Variants in ATP11A observed in about 807,000 individuals in gnomAD.
The protein encoded by ATP11A is phospholipid-transporting ATPase IH.
A neutral mutation model predicts 154.4 loss-of-function variants in ATP11A; 81 were observed. That is an observed-to-expected ratio of 0.52 (90% CI 0.44 to 0.63). The LOEUF is 0.63. Ranked by LOEUF, ATP11A falls within the 30% of genes least tolerant of loss-of-function variation. The pLI, the probability that ATP11A is intolerant of heterozygous loss-of-function variation, is 0.00. For synonymous variants in ATP11A, 623 were observed against 585.9 expected, an observed-to-expected ratio of 1.06 and a Z score of -0.91; for missense variants, 1,316 against 1,474.3, an observed-to-expected ratio of 0.89 and a Z score of 1.76.
intron 2 of ATP11A, among the ~76,000 whole-genome samples, chr13:112,787,265 C>T (rs1201187575): frequency 4.6e-5 from 5 of 108,754 alleles, no homozygotes; most frequent in Non-Finnish European, 5.3e-5. Flanking sequence ...TGTCCTGATG[C>T]GTAGACTCCT....
chr13:112,778,962 T>TGAG (rs1226494074), intron 1 of ATP11A, among the ~76,000 whole-genome samples: 1 of 92,624 alleles, frequency 1.1e-5, no homozygotes, highest in Admixed American at 1.2e-4. Context: ...GCCGCTGGAG[T>TGAG]GAGTAGCCGC....
At chr13:112,787,426 C>A (rs1333969164) in intron 2 of ATP11A, among the ~76,000 whole-genome samples, 12 of 128,128 alleles carry the variant, frequency 9.4e-5, no homozygotes, top group Non-Finnish European at 1.5e-4. Context: ...CCTGTGGAGA[C>A]CTACTTAATT....
At chr13:112,738,868 G>T (rs890290628) in intron 1 of ATP11A, among the ~76,000 whole-genome samples, 3 of 139,332 alleles carry the variant, frequency 2.2e-5, no homozygotes, top group Non-Finnish European at 4.5e-5. Flanking sequence ...GGCCCATGCA[G>T]TTCTGGGGCC....
chr13:112,812,908 T>G (rs924545012), intron 5 of ATP11A, among the ~76,000 whole-genome samples: 1 of 152,210 alleles, frequency 6.6e-6, no homozygotes, highest in Non-Finnish European at 1.5e-5. Flanking sequence ...CCATTTCCTT[T>G]AATGATTATA....
At chr13:112,706,175 G>A (rs1416657971) in intron 1 of ATP11A, among the ~76,000 whole-genome samples, 1 of 152,166 alleles carries the variant, frequency 6.6e-6, no homozygotes, top group African/African-American at 2.4e-5. Flanking sequence ...AGGATGGACC[G>A]AGATAGGAGG....
intron 16 of ATP11A, among the ~76,000 whole-genome samples, chr13:112,839,317 G>C (rs2079328788): frequency 6.6e-6 from 1 of 151,984 alleles, no homozygotes; most frequent in South Asian, 2.1e-4. Context: ...AAAGCAAGCA[G>C]AAAAGATGAA....
chr13:112,749,109 C>T lies in ATP11A; in HGVS notation c.40-36026C>T, dbSNP rs58369884. Among the ~76,000 whole-genome samples the T allele has an allele frequency of 5.8e-3, 883 of 152,326 alleles. 5 individuals are homozygous for T. The highest frequency in any genetic ancestry group is 0.037 in the Middle Eastern group (11 of 294). On this transcript the variant is annotated intron_variant, in intron 1 of 29. Transcript: ENST00000375645. ...AGGTGGCTGCAGCGTCCCCAGCGGC[C>T]TCCCTGGCGTGCCACAGCATGAGGC... is the stretch of plus-strand genomic sequence containing the variant.
intron 13 of ATP11A, among the ~76,000 whole-genome samples, chr13:112,832,066 C>T (rs932080748): frequency 1.3e-5 from 2 of 152,204 alleles, no homozygotes; most frequent in African/African-American, 2.4e-5. Context: ...CACACATGCT[C>T]ACATGCAGAC....
At chr13:112,784,075 A>G (rs2077563138) in intron 1 of ATP11A, among the ~76,000 whole-genome samples, 1 of 152,180 alleles carries the variant, frequency 6.6e-6, no homozygotes, top group South Asian at 2.1e-4. Flanking sequence ...GGCAAGCAGG[A>G]GGCGGAAGAA....
chr13:112,813,161 C>A (rs2078550486), intron 5 of ATP11A, among the ~76,000 whole-genome samples: 1 of 152,180 alleles, frequency 6.6e-6, no homozygotes, highest in African/African-American at 2.4e-5. Flanking sequence ...ATGGCTCAGG[C>A]CTTTGAGAGT....
At chr13:112,704,330 G>A (rs540146877) in intron 1 of ATP11A, among the ~76,000 whole-genome samples, 1 of 152,350 alleles carries the variant, frequency 6.6e-6, no homozygotes, top group Admixed American at 6.5e-5. Flanking sequence ...AGTTAGGGTG[G>A]CCTCTGGCGA....
chr13:112,766,167 G>A (rs1421276640), intron 1 of ATP11A, among the ~76,000 whole-genome samples: 3 of 152,142 alleles, frequency 2.0e-5, no homozygotes, highest in Non-Finnish European at 2.9e-5. Context: ...TGGTGGAGAC[G>A]GACTTCTTAT....
chr13:112,876,529 G>A (rs946103396), intron 28 of ATP11A, among the ~76,000 whole-genome samples: 9 of 152,126 alleles, frequency 5.9e-5, no homozygotes, highest in Non-Finnish European at 1.0e-4. Flanking sequence ...CAGTGACCAC[G>A]ACCCACCTCT....
rs931365877 is a variant in ATP11A, at chr13:112,882,846, G to A, written c.*980G>A. Reference sequence around the variant, plus strand: ...TGATGAGCAGACATCCTCTGTCCCCGTGGAGGGGTCAACACCAAGGTGGTG... The same window carrying A: ...TGATGAGCAGACATCCTCTGTCCCCATGGAGGGGTCAACACCAAGGTGGTG... On this transcript the variant is annotated 3_prime_UTR_variant, in exon 30 of 30. Coordinates refer to ENST00000375645, the MANE Select transcript of ATP11A (RefSeq NM_015205.3). The surrounding 1 kb of genome is among the most constrained non-coding windows in gnomAD (Gnocchi z 5.1). 2.3e-5 allele frequency: 9 copies of A among 398,960 alleles called. No individual in the cohort carries two copies. Among genetic ancestry groups the A allele is most frequent in the African/African-American group, 6.2e-5 (3 of 48,608 alleles). The allele number at this position is 398,960 out of a possible 1,614,324, so 24.7% of individuals were successfully genotyped here.
intron 1 of ATP11A, among the ~76,000 whole-genome samples, chr13:112,734,661 T>A (rs972210109): frequency 1.3e-5 from 2 of 152,274 alleles, no homozygotes; most frequent in African/African-American, 4.8e-5. Context: ...CATAAATTAG[T>A]GGTTTTCAAA....
chr13:112,761,130 G>C (rs2076952299), intron 1 of ATP11A, among the ~76,000 whole-genome samples: 1 of 152,072 alleles, frequency 6.6e-6, no homozygotes, highest in Non-Finnish European at 1.5e-5. Flanking sequence ...CCCCCTTATG[G>C]CCTCTCGGTT....
chr13:112,695,047 A>AT (rs1235034172), intron 1 of ATP11A, among the ~76,000 whole-genome samples: 2 of 152,172 alleles, frequency 1.3e-5, no homozygotes. Context: ...AGACTTATTT[A>AT]TTTAACTCAG....
At chr13:112,729,326 A>G (rs1232119156) in intron 1 of ATP11A, among the ~76,000 whole-genome samples, 1 of 152,132 alleles carries the variant, frequency 6.6e-6, no homozygotes, top group Non-Finnish European at 1.5e-5. Flanking sequence ...TGCTGTTTCC[A>G]TGGGTTTATC....
At chr13:112,731,874 A>G (rs1890512381) in intron 1 of ATP11A, among the ~76,000 whole-genome samples, 1 of 142,896 alleles carries the variant, frequency 7.0e-6, no homozygotes, top group Non-Finnish European at 1.5e-5. Flanking sequence ...TGAGGGGTGC[A>G]TGGGACAGTG....
Sources: allele counts gnomAD v4.1 joint callset (sites outside exome capture counted in the v4.1 genomes callset), GRCh38; gene constraint gnomAD v4.1.1; non-coding constraint Gnocchi (gnomAD v3.1); transcripts MANE v1.5; gene names NCBI Gene and HGNC (gene_info 2026-07-23, HGNC 2026-07-21).